The following LRATD1 variants were observed in gnomAD, a reference collection of about 807,000 sequenced individuals.
LRATD1 encodes the protein LRAT domain containing 1, also known as protein LRATD1.
Under a neutral mutation model 21.3 loss-of-function variants are expected in LRATD1, and 8 were observed. The observed-to-expected ratio is 0.38, with a 90% confidence interval of 0.22 to 0.68. The LOEUF is 0.68. Among genes scored for constraint, LRATD1 ranks in the 30% least tolerant of loss-of-function variants. The pLI is 0.54. For missense variants in LRATD1, 380 were observed against 404.0 expected (o/e 0.94, Z 0.51); for synonymous variants, 210 against 186.2 (o/e 1.13, Z -1.04).
downstream of LRATD1, among the ~76,000 whole-genome samples, chr2:14,651,820 TTTTG>T (rs1228406083): frequency 1.3e-5 from 2 of 152,002 alleles, no homozygotes; most frequent in East Asian, 3.9e-4. Flanking sequence ...AATCTTGTGG[TTTTG>T]TTTAATAGAT....
chr2:14,648,084 G>A (rs1251298209), intron 4 of LRATD1, among the ~76,000 whole-genome samples: 1 of 152,120 alleles, frequency 6.6e-6, no homozygotes, highest in Non-Finnish European at 1.5e-5. Context: ...ATTGGAGGAA[G>A]GTCTTACACG....
Position 14,639,911 on chromosome 2 carries a change from A to G in LRATD1, c.*5053A>G, listed in dbSNP as rs1054956016. The G allele has an allele frequency of 3.0e-5, 5 of 167,134 alleles. No homozygotes were observed. Among genetic ancestry groups the G allele is most frequent in the African/African-American group, 1.2e-4 (5 of 41,484 alleles). The allele number at this position is 167,134 out of a possible 1,614,324, so 10.4% of individuals were successfully genotyped here. ...AGAAATTTCTCTAACCAAAATTGGC[A>G]GGTTCTTTCCACCACAAAAGGCTCT... On this transcript the variant is annotated 3_prime_UTR_variant, in exon 2 of 2. Coordinates refer to ENST00000295092, the MANE Select transcript of LRATD1 (RefSeq NM_145175.4).
At chr2:14,644,101 A>AT (rs61111627), downstream of LRATD1, among the ~76,000 whole-genome samples, 60,035 of 150,514 alleles carry the variant, frequency 0.4, 12,875 homozygotes, top group African/African-American at 0.58. Context: ...AAAGGCAAGC[A>AT]TTTTTTTTTT....
chr2:14,643,398 C>A (rs969667502), downstream of LRATD1, among the ~76,000 whole-genome samples: 4 of 152,170 alleles, frequency 2.6e-5, no homozygotes, highest in African/African-American at 9.7e-5. Flanking sequence ...CCCAGACTCC[C>A]TGGCAGCACG....
Position 14,638,435 on chromosome 2 carries a change from T to G in LRATD1, c.*3577T>G, listed in dbSNP as rs191241618. ...TGATTTACCTGTTTTTTTGAAACTT[T>G]AATGTTTACCTTCCCCTATGTTTAA... On this transcript the variant is annotated 3_prime_UTR_variant, in exon 2 of 2. Transcript: ENST00000295092. 2.8e-3 allele frequency: 466 copies of G among 167,142 alleles called. 1 individual carries two copies. Among genetic ancestry groups the G allele is most frequent in the Admixed American group, 4.2e-3 (65 of 15,304 alleles). The allele number at this position is 167,142 out of a possible 1,614,324, so 10.4% of individuals were successfully genotyped here.
chr2:14,640,094 A>G (rs1048878843), downstream of LRATD1: 1 of 166,954 alleles, frequency 6.0e-6, no homozygotes, highest in African/African-American at 2.4e-5. Flanking sequence ...GGGAAAAGCA[A>G]AATAGTTCCA....
At chr2:14,644,092 A>G (rs1572302394), downstream of LRATD1, among the ~76,000 whole-genome samples, 5 of 136,780 alleles carry the variant, frequency 3.7e-5, no homozygotes, top group Admixed American at 2.2e-4. Context: ...GTCCCTAATA[A>G]AGGCAAGCAT....
At chr2:14,644,620 A>T (rs1390177610), downstream of LRATD1, among the ~76,000 whole-genome samples, 1 of 152,136 alleles carries the variant, frequency 6.6e-6, no homozygotes, top group African/African-American at 2.4e-5. Context: ...TGATTGATAG[A>T]TTGATTGGAT....
In LRATD1 at chr2:14,636,994, C is replaced by T. The variant is rs1037062836; in HGVS notation, c.*2136C>T. On this transcript the variant is annotated 3_prime_UTR_variant, in exon 2 of 2. Transcript: ENST00000295092. ...TTATTTTTTAAAAAATGTTTAAATGCATATGCTTTTCTTTCAGCACAAACA... is the reference window on the plus strand; with the variant it reads ...TTATTTTTTAAAAAATGTTTAAATGTATATGCTTTTCTTTCAGCACAAACA... 6.0e-6 allele frequency: 1 copy of T among 166,958 alleles called. No individual in the cohort carries two copies. The highest frequency in any genetic ancestry group is 1.5e-5 in the Non-Finnish European group (1 of 68,088). 10.3% of individuals were successfully genotyped at this position (166,958 alleles called of 1,614,324 possible).
intron 4 of LRATD1, among the ~76,000 whole-genome samples, chr2:14,648,478 A>T (rs1270909749): frequency 6.6e-6 from 1 of 152,212 alleles, no homozygotes; most frequent in African/African-American, 2.4e-5. Context: ...GAAGAGTGAG[A>T]AGAGTGGCAT....
At chr2:14,651,198 G>T (rs1404532168), downstream of LRATD1, among the ~76,000 whole-genome samples, 2 of 151,706 alleles carry the variant, frequency 1.3e-5, no homozygotes, top group African/African-American at 4.8e-5. Flanking sequence ...ATCTCATATT[G>T]TTTCTTTTTT....
chr2:14,648,704 G>A (rs752385936), intron 4 of LRATD1, among the ~76,000 whole-genome samples: 32 of 152,066 alleles, frequency 2.1e-4, no homozygotes, highest in Non-Finnish European at 2.9e-4. Flanking sequence ...AAGAGTCTCC[G>A]GGATCCCACA....
Position 14,637,382 on chromosome 2 carries a change from C to T in LRATD1, c.*2524C>T, listed in dbSNP as rs1204182010. 1 of 167,034 alleles carries T rather than the reference C, an allele frequency of 6.0e-6. No homozygotes were observed. The highest frequency in any genetic ancestry group is 1.5e-5 in the Non-Finnish European group (1 of 68,126). The allele number at this position is 167,034 out of a possible 1,614,324, so 10.3% of individuals were successfully genotyped here. On this transcript the variant is annotated 3_prime_UTR_variant, in exon 2 of 2. Coordinates refer to ENST00000295092, the MANE Select transcript of LRATD1 (RefSeq NM_145175.4). The stretch of plus-strand genomic sequence containing the variant: ...GATTTCTCTCTCACTAAGAGGGTCA[C>T]TCTCATAGAGGAATGTCTTGTCAGT...
downstream of LRATD1, among the ~76,000 whole-genome samples, chr2:14,643,208 C>T (rs948269183): frequency 3.3e-5 from 5 of 152,150 alleles, no homozygotes; most frequent in South Asian, 2.1e-4. Flanking sequence ...GTGCCCCTTG[C>T]ATGTGTCTGC....
chr2:14,634,621 C>G lies in LRATD1; in HGVS notation c.642C>G (p.Ser214Arg). ...AGATCTGCTGGACGAACTCGGAGAGCTTCGCCGCCTGGTGCCGCTTTGGCA... is the reference window on the plus strand; with the variant it reads ...AGATCTGCTGGACGAACTCGGAGAGGTTCGCCGCCTGGTGCCGCTTTGGCA... ...SEEICWTNSE[S>R]FAAWCRFGKR... Residue 214 changes from serine to arginine, a missense_variant, in exon 2 of 2, where the codon AGC (serine) becomes AGG (arginine). Physicochemically the swap from Ser to Arg is moderately radical, Grantham distance 110 (BLOSUM62 -1). Transcript: ENST00000295092. 6.5e-7 allele frequency: 1 copy of G among 1,533,372 alleles called. No individual in the cohort carries two copies. Among genetic ancestry groups the G allele is most frequent in the Non-Finnish European group, 8.8e-7 (1 of 1,137,078 alleles). 95.0% of individuals were successfully genotyped at this position (1,533,372 alleles called of 1,614,324 possible). A position where few individuals can be genotyped will look rare whatever the true frequency, so the allele number is the denominator to read the frequency against.
At chr2:14,644,047 C>T (rs969440301), downstream of LRATD1, among the ~76,000 whole-genome samples, 14 of 151,976 alleles carry the variant, frequency 9.2e-5, no homozygotes, top group African/African-American at 3.4e-4. Context: ...AAATTAATGT[C>T]CTAGTGGGAG....
At position 14,634,314 on chromosome 2, in the gene LRATD1, C is replaced by T; in HGVS notation, c.335C>T (p.Ala112Val). ...CAGGGCGCCGACCTAAGCGTCTACGCGGTCACCGCGCTGCCAGCGCTCTGC... is the reference window on the plus strand; with the variant it reads ...CAGGGCGCCGACCTAAGCGTCTACGTGGTCACCGCGCTGCCAGCGCTCTGC... ...GPQGADLSVY[A>V]VTALPALCEP... The change falls in exon 2 of 2, where the codon GCG (alanine) becomes GTG (valine). Residue 112 changes from alanine to valine, a missense_variant. Coordinates refer to ENST00000295092, the MANE Select transcript of LRATD1 (RefSeq NM_145175.4). 1 of 1,596,764 alleles carries T rather than the reference C, an allele frequency of 6.3e-7. No homozygotes were observed. Among genetic ancestry groups the T allele is most frequent in the East Asian group, 2.2e-5 (1 of 44,534 alleles).
In LRATD1 at chr2:14,635,507, A is replaced by C. The variant is rs150617072; in HGVS notation, c.*649A>C. 8.8e-4 allele frequency: 415 copies of C among 471,196 alleles called. 2 individuals carry two copies. Among genetic ancestry groups the C allele is most frequent in the African/African-American group, 7.4e-3 (372 of 50,206 alleles). The allele number at this position is 471,196 out of a possible 1,614,324, so 29.2% of individuals were successfully genotyped here. ...ACATTGTGTTCCAGGCTGCGGGCTA[A>C]GCCAGACAGTGTTTGCCTCCGGTTC... is the stretch of plus-strand genomic sequence containing the variant. On this transcript the variant is annotated 3_prime_UTR_variant, in exon 2 of 2. Transcript: ENST00000295092.
intron 4 of LRATD1, among the ~76,000 whole-genome samples, chr2:14,647,091 A>G (rs2103414076): frequency 6.6e-6 from 1 of 152,358 alleles, no homozygotes; most frequent in Non-Finnish European, 1.5e-5. Flanking sequence ...ACAGGAGACT[A>G]TGAACCCTAA....
Sources: allele counts gnomAD v4.1 joint callset (sites outside exome capture counted in the v4.1 genomes callset), GRCh38; gene constraint gnomAD v4.1.1; transcripts MANE v1.5; gene names NCBI Gene and HGNC (gene_info 2026-07-23, HGNC 2026-07-21).